The following ITSN1 variants were observed in gnomAD, a reference collection of about 807,000 sequenced individuals.
ITSN1 encodes intersectin-1.
A neutral mutation model predicts 239.8 loss-of-function variants in ITSN1; 58 were observed. That is an observed-to-expected ratio of 0.24 (90% CI 0.20 to 0.30). ITSN1 has a LOEUF of 0.30. Ranked by LOEUF, ITSN1 falls within the 10% of genes least tolerant of loss-of-function variation. The probability of loss-of-function intolerance (pLI) is 1.00; values close to 1 mark genes in which losing one functional copy is unlikely to be tolerated. For synonymous variants in ITSN1, 780 were observed against 770.8 expected (o/e 1.01, Z -0.20); for missense variants, 1,558 against 2,103.3 (o/e 0.74, Z 5.07).
chr21:33,649,739 G>A (rs1415477261), intron 1 of ITSN1, among the ~76,000 whole-genome samples: 2 of 152,108 alleles, frequency 1.3e-5, no homozygotes, highest in Admixed American at 1.3e-4. Flanking sequence ...ATGTCTGGCC[G>A]GGCGTGGTGG....
chr21:33,652,201 G>A (rs916897984), intron 1 of ITSN1, among the ~76,000 whole-genome samples: 2 of 152,190 alleles, frequency 1.3e-5, no homozygotes, highest in Non-Finnish European at 2.9e-5. Context: ...AAGGTGGCAG[G>A]ACGGTCCAGG....
chr21:33,822,210 A>G (rs905406169), intron 24 of ITSN1, among the ~76,000 whole-genome samples: 7 of 152,222 alleles, frequency 4.6e-5, no homozygotes, highest in Non-Finnish European at 1.0e-4. Context: ...ACGTGAGCAC[A>G]AGAGTTAGAG....
intron 1 of ITSN1, among the ~76,000 whole-genome samples, chr21:33,684,943 C>T (rs1313199332): frequency 6.6e-6 from 1 of 152,142 alleles, no homozygotes; most frequent in East Asian, 1.9e-4. Context: ...GCTTTCTTTT[C>T]TTTCTGTCTA....
chr21:33,815,145 A>ACGAGACTGGGATTATAGATTGGAGC (rs1569237352), intron 22 of ITSN1, among the ~76,000 whole-genome samples: 3 of 152,198 alleles, frequency 2.0e-5, no homozygotes, highest in Non-Finnish European at 4.4e-5. Context: ...GGAAGAGAGC[A>ACGAGACTGGGATTATAGATTGGAGC]CGAGACTGGG....
Position 33,775,196 on chromosome 21 carries a change from A to G in ITSN1, c.1596+88A>G. On this transcript the variant is annotated intron_variant, in intron 14 of 39. Coordinates refer to ENST00000381318, the MANE Select transcript of ITSN1 (RefSeq NM_003024.3). ...TCATTTACTTACTTATTCAGTAAAC[A>G]TTAAGCAACTGTCTTGTACTAGGCA... The G allele has an allele frequency of 6.4e-6, 9 of 1,397,196 alleles. No individual in the cohort carries two copies. The South Asian group carries it at 1.2e-4, about 19-fold the overall frequency. 86.5% of individuals were successfully genotyped at this position (1,397,196 alleles called of 1,614,324 possible). A position where few individuals can be genotyped will look rare whatever the true frequency, so the allele number is the denominator to read the frequency against.
chr21:33,760,089 G>A (rs896980902), intron 8 of ITSN1, among the ~76,000 whole-genome samples: 1 of 150,592 alleles, frequency 6.6e-6, no homozygotes, highest in African/African-American at 2.5e-5. Flanking sequence ...GTGACAGAGC[G>A]AGACCGAGAC....
At chr21:33,881,280 A>G (rs1351947128) in intron 34 of ITSN1, among the ~76,000 whole-genome samples, 2 of 151,824 alleles carry the variant, frequency 1.3e-5, no homozygotes, top group Non-Finnish European at 2.9e-5. Context: ...GGTCGCGAGC[A>G]CCTGTAGTCC....
At position 33,867,284 on chromosome 21, in the gene ITSN1, C is replaced by G. The variant is rs1569320677; in HGVS notation, c.4126C>G (p.Leu1376Val). 6.2e-7 allele frequency: 1 copy of G among 1,611,044 alleles called. No homozygotes were observed. The highest frequency in any genetic ancestry group is 1.7e-4 in the Middle Eastern group (1 of 6,060). Residue 1376 changes from leucine to valine, a missense_variant, in exon 33 of 40, where the codon CTG (leucine) becomes GTG (valine). By Grantham distance (32) the Leu-to-Val change is conservative. This residue lies in a region of ITSN1 where 576 missense variants were observed against 893.3 expected (regional missense o/e 0.64). Transcript: ENST00000381318. ...CKGMPLSSFI[L>V]KPMQRVTRYP... ...AGGGATGCCACTCTCTAGTTTTATA[C>G]TGAAGCCTATGCAACGGGTAACAAG...
At chr21:33,804,666 C>T (rs2268247) in intron 20 of ITSN1, among the ~76,000 whole-genome samples, 19,468 of 152,090 alleles carry the variant, frequency 0.13, 1,551 homozygotes, top group East Asian at 0.41. Context: ...ATTTGACATC[C>T]GTAACATGTT....
chr21:33,827,674 ATCCAAAGTGTTT>A (rs1377747649), intron 26 of ITSN1, among the ~76,000 whole-genome samples: 1 of 152,218 alleles, frequency 6.6e-6, no homozygotes, highest in African/African-American at 2.4e-5. Flanking sequence ...ATGCCTCTGA[ATCCAAAGTGTTT>A]TAGTTTATTT....
intron 31 of ITSN1, 73 bp downstream of exon 31, chr21:33,858,865 G>C: frequency 2.5e-6 from 2 of 794,694 alleles, no homozygotes; most frequent in Non-Finnish European, 4.2e-6. Flanking sequence ...CTGTGGGTCT[G>C]TGTGTCCTTC....
At chr21:33,715,188 A>G (rs1427609434) in intron 1 of ITSN1, among the ~76,000 whole-genome samples, 1 of 152,188 alleles carries the variant, frequency 6.6e-6, no homozygotes, top group African/African-American at 2.4e-5. Flanking sequence ...TATCACAACT[A>G]TTTTGTATAG....
chr21:33,823,391 C>T, intron 24 of ITSN1, 96 bp from the exon 25 acceptor site: 2 of 1,109,912 alleles, frequency 1.8e-6, no homozygotes, highest in Non-Finnish European at 1.3e-6. Flanking sequence ...GGATCTTGTC[C>T]TAACTTCCTT....
intron 1 of ITSN1, among the ~76,000 whole-genome samples, chr21:33,655,914 G>T (rs2146198038): frequency 6.6e-6 from 1 of 152,254 alleles, no homozygotes; most frequent in South Asian, 2.1e-4. Context: ...TCTAAATGCA[G>T]TTGGGTGGGG....
intron 1 of ITSN1, among the ~76,000 whole-genome samples, chr21:33,677,822 G>A (rs2090689766): frequency 6.6e-6 from 1 of 152,118 alleles, no homozygotes; most frequent in Non-Finnish European, 1.5e-5. Context: ...TTTCTGTCCA[G>A]AATATATCCT....
At chr21:33,661,781 C>T (rs1056039340) in intron 1 of ITSN1, among the ~76,000 whole-genome samples, 13 of 152,056 alleles carry the variant, frequency 8.5e-5, no homozygotes, top group Non-Finnish European at 7.4e-5. Flanking sequence ...AAGGGGTTTC[C>T]CCTTTCATTT....
At chr21:33,747,050 A>T (rs1278077248) in intron 5 of ITSN1, among the ~76,000 whole-genome samples, 1 of 152,132 alleles carries the variant, frequency 6.6e-6, no homozygotes, top group Non-Finnish European at 1.5e-5. Flanking sequence ...GTTATTGGGG[A>T]GTCTGAGGCA....
At chr21:33,810,858 T>A (rs1406944893) in intron 20 of ITSN1, 117 bp from the exon 21 acceptor site, 1 of 1,147,904 alleles carries the variant, frequency 8.7e-7, no homozygotes, top group Admixed American at 1.7e-5. Flanking sequence ...GATGAAGAGA[T>A]TCCTATGCCA....
At chr21:33,809,524 T>C (rs1325641519) in intron 20 of ITSN1, among the ~76,000 whole-genome samples, 1 of 152,212 alleles carries the variant, frequency 6.6e-6, no homozygotes, top group Admixed American at 6.5e-5. Flanking sequence ...TACATACAGA[T>C]AGATGTTTGG....
Sources: allele counts gnomAD v4.1 joint callset (sites outside exome capture counted in the v4.1 genomes callset), GRCh38; gene constraint gnomAD v4.1.1; regional missense constraint gnomAD v4.1.1; transcripts MANE v1.5; gene names NCBI Gene and HGNC (gene_info 2026-07-23, HGNC 2026-07-21).